Variants in KANSL3 observed in about 807,000 individuals in gnomAD.
The protein encoded by KANSL3 is KAT8 regulatory NSL complex subunit 3.
KANSL3 carries 16 observed loss-of-function variants against 89.2 expected under a neutral mutation model. The ratio of observed to expected loss-of-function variants is 0.18; its 90% CI spans 0.12 to 0.27. The LOEUF (loss-of-function observed/expected upper bound fraction) is 0.27, where lower values mean the gene tolerates loss of function less well. Among genes scored for constraint, KANSL3 ranks in the 10% least tolerant of loss-of-function variants. KANSL3 has a pLI of 1.00. For missense variants in KANSL3, 879 were observed against 1,110.6 expected (o/e 0.79, Z 2.96); for synonymous variants, 385 against 419.7 (o/e 0.92, Z 1.01).
chr2:96,592,422 G>A (rs2066292829), downstream of KANSL3, among the ~76,000 whole-genome samples: 1 of 152,202 alleles, frequency 6.6e-6, no homozygotes, highest in Non-Finnish European at 1.5e-5. Context: ...GATCTTTCAG[G>A]ATCAAGGTTG....
At chr2:96,625,911 A>C (rs2072209399) in intron 3 of KANSL3, among the ~76,000 whole-genome samples, 1 of 152,240 alleles carries the variant, frequency 6.6e-6, no homozygotes, top group South Asian at 2.1e-4. Flanking sequence ...ATACAAGCCT[A>C]AACAGTCAAA....
chr2:96,594,967 T>A lies in KANSL3; in HGVS notation c.*644A>T, dbSNP rs1452753492. On this transcript the variant is annotated 3_prime_UTR_variant, in exon 21 of 21. Coordinates refer to ENST00000431828, the MANE Select transcript of KANSL3 (RefSeq NM_001115016.3). ...AGGCTGAAAGATGACAGCCTAGTTC[T>A]CTTTGCCTTCATTATGATACTAACA... is the stretch of plus-strand genomic sequence containing the variant. The A allele has an allele frequency of 1.3e-5, 2 of 152,292 alleles. No homozygotes were observed. Among genetic ancestry groups the A allele is most frequent in the South Asian group, 4.1e-4 (2 of 4,830 alleles). 9.4% of individuals were successfully genotyped at this position (152,292 alleles called of 1,614,324 possible).
intron 20 of KANSL3, among the ~76,000 whole-genome samples, chr2:96,598,398 CAAAATCCT>C (rs2066753752): frequency 6.6e-6 from 1 of 152,120 alleles, no homozygotes; most frequent in Admixed American, 6.5e-5. Context: ...ATATAGACGC[CAAAATCCT>C]AAGTAAAATA....
intron 20 of KANSL3, among the ~76,000 whole-genome samples, chr2:96,598,971 A>G (rs2104908000): frequency 6.6e-6 from 1 of 152,084 alleles, no homozygotes; most frequent in Admixed American, 6.5e-5. Flanking sequence ...ATGTGATTCT[A>G]AAAGAATAAT....
chr2:96,620,171 A>G (rs2070985912), intron 3 of KANSL3, among the ~76,000 whole-genome samples: 2 of 152,344 alleles, frequency 1.3e-5, no homozygotes, highest in South Asian at 4.1e-4. Flanking sequence ...AAAAAGGCAG[A>G]CAGGATCAGC....
the KANSL3 span, among the ~76,000 whole-genome samples, chr2:96,587,433 C>A: frequency 3.9e-5 from 6 of 152,188 alleles, no homozygotes; most frequent in African/African-American, 1.4e-4. Context: ...CTCCCACCTC[C>A]ACCCAGCAGT....
chr2:96,582,230 T>C, the KANSL3 span, among the ~76,000 whole-genome samples: 1 of 152,046 alleles, frequency 6.6e-6, no homozygotes, highest in Admixed American at 6.6e-5. Context: ...AAACCCCGTC[T>C]CCACTAAAAA....
Position 96,619,678 on chromosome 2 carries a change from G to A in KANSL3, c.471C>T (p.Asn157=), listed in dbSNP as rs748919605. Residue 157 remains asparagine, a synonymous_variant, in exon 4 of 21, where the codon AAC becomes AAT. Transcript: ENST00000431828. ...LQSDRLARLA[N]EGACNEPVLR... ...CGGATTGCTGGTGTCTTACCCCTTC[G>A]TTGGCCAAGCGGGCAAGCCGGTCAG... The A allele has an allele frequency of 1.5e-5, 24 of 1,569,466 alleles. No individual in the cohort carries two copies. Among genetic ancestry groups the A allele is most frequent in the Non-Finnish European group, 2.1e-5 (24 of 1,157,790 alleles).
intron 20 of KANSL3, among the ~76,000 whole-genome samples, chr2:96,597,513 G>A (rs2066650572): frequency 6.6e-6 from 1 of 152,212 alleles, no homozygotes; most frequent in Non-Finnish European, 1.5e-5. Context: ...GAATCAGCAA[G>A]AAGCCTTAAT....
At chr2:96,601,239 G>C (rs2067139542) in intron 20 of KANSL3, 6 of 874,388 alleles carry the variant, frequency 6.9e-6, no homozygotes, top group Non-Finnish European at 8.2e-6. Flanking sequence ...CTGCACTCCA[G>C]CTTGGGCGAT....
intron 14 of KANSL3, among the ~76,000 whole-genome samples, chr2:96,607,387 C>T (rs575589342): frequency 6.6e-6 from 1 of 152,272 alleles, no homozygotes; most frequent in East Asian, 1.9e-4. Context: ...TGCTACTCTC[C>T]CCCATGACAC....
chr2:96,637,319 G>A (rs1573703251), intron 1 of KANSL3, 134 bp from the exon 2 acceptor site: 1 of 518,004 alleles, frequency 1.9e-6, no homozygotes, highest in Non-Finnish European at 3.4e-6. Context: ...ACCTCTGGTG[G>A]GGACGGTTCG....
chr2:96,601,668 G>A lies in KANSL3; in HGVS notation c.2591C>T (p.Ser864Phe), dbSNP rs1303799841. 2 of 1,613,634 alleles carry A rather than the reference G, an allele frequency of 1.2e-6. No individual in the cohort carries two copies. Among genetic ancestry groups the A allele is most frequent in the South Asian group, 2.2e-5 (2 of 91,006 alleles). The part of the protein sequence containing the change: ...SGAAPSEESS[S>F]QVLPSSSQRL... ...CTGTGAGCTGGAGGGCAGCACCTGG[G>A]AAGAGGACTCCTCGGATGGGGCTGC... Residue 864 changes from serine (S) to phenylalanine (F), a missense_variant, in exon 20 of 21, where the codon TCC becomes TTC. By Grantham distance (155) the Ser-to-Phe change is radical. Around this residue, in one of 6 missense-constraint regions of KANSL3, gnomAD observed 61 missense variants for 61.7 expected, o/e 0.99. Transcript: ENST00000431828.
At chr2:96,637,277 A>G in intron 1 of KANSL3, 92 bp from the exon 2 acceptor site, 1 of 611,800 alleles carries the variant, frequency 1.6e-6, no homozygotes. Context: ...GTAACCTACT[A>G]TCATTCCTAT....
chr2:96,615,480 G>A, intron 5 of KANSL3: 1 of 1,275,708 alleles, frequency 7.8e-7, no homozygotes, highest in Non-Finnish European at 1.0e-6. Context: ...TTTCAGACAT[G>A]TTGATGCTTA....
intron 9 of KANSL3, among the ~76,000 whole-genome samples, chr2:96,611,900 C>CGTGTGTGTGT (rs1558703636): frequency 6.3e-5 from 5 of 79,570 alleles, no homozygotes; most frequent in Admixed American, 2.1e-4. Context: ...GATATATACC[C>CGTGTGTGTGT]ATATGTGTGT....
chr2:96,623,807 G>A (rs2071770795), intron 3 of KANSL3, among the ~76,000 whole-genome samples: 1 of 152,206 alleles, frequency 6.6e-6, no homozygotes, highest in Middle Eastern at 3.2e-3. Context: ...ATTACTGACA[G>A]CAGCAAAAGT....
At chr2:96,598,229 C>A in intron 20 of KANSL3, 15 of 648,314 alleles carry the variant, frequency 2.3e-5, no homozygotes, top group Non-Finnish European at 2.7e-5. Context: ...CATTTCTGTA[C>A]TATAAAACTG....
chr2:96,592,190 GC>G, downstream of KANSL3, among the ~76,000 whole-genome samples: 1 of 152,052 alleles, frequency 6.6e-6, no homozygotes, highest in Non-Finnish European at 1.5e-5. Context: ...AACACGATGT[GC>G]CCAGGTATAC....
Sources: gnomAD v4.1 joint callset for allele counts (sites outside exome capture counted in the v4.1 genomes callset) on GRCh38, gnomAD v4.1.1 for gene constraint, gnomAD v4.1.1 regional missense constraint, MANE v1.5 for transcripts, NCBI Gene and HGNC (gene_info 2026-07-23, HGNC 2026-07-21) for gene names.